SLC6A17: variants seen among roughly 807,000 people sequenced by gnomAD.
SLC6A17 encodes the protein solute carrier family 6 member 17.
A neutral mutation model predicts 64.5 loss-of-function variants in SLC6A17; 21 were observed. The observed-to-expected ratio is 0.33, with a 90% confidence interval of 0.23 to 0.47. The LOEUF is 0.47. Ranked by LOEUF, SLC6A17 falls within the 20% of genes least tolerant of loss-of-function variation. The pLI, the probability that SLC6A17 is intolerant of heterozygous loss-of-function variation, is 1.00. For missense variants in SLC6A17, 682 were observed against 963.2 expected, an observed-to-expected ratio of 0.71 and a Z score of 3.86; for synonymous variants, 372 against 399.5, an observed-to-expected ratio of 0.93 and a Z score of 0.82.
At chr1:110,180,204 A>G (rs1656485429) in intron 6 of SLC6A17, among the ~76,000 whole-genome samples, 3 of 152,244 alleles carry the variant, frequency 2.0e-5, no homozygotes, top group African/African-American at 7.2e-5. Context: ...CATGCTCTCC[A>G]GCTGATAAAC....
intron 1 of SLC6A17, chr1:110,166,159 G>A (rs1473276035): frequency 2.0e-5 from 3 of 152,248 alleles, no homozygotes; most frequent in Non-Finnish European, 4.4e-5. Flanking sequence ...CATTGGCACT[G>A]AGCAAACAGC....
rs1657072705 is a variant in SLC6A17, at chr1:110,199,838, G to GTT, written c.*1394_*1395insTT. ...TGACCCAAGAGTAAATGTCTGCAGA[G>GTT]AGATGGATGGATGGATGGATAGATG... On this transcript the variant is annotated 3_prime_UTR_variant, in exon 12 of 12. Coordinates refer to ENST00000331565, the MANE Select transcript of SLC6A17 (RefSeq NM_001010898.4). 1 of 395,382 alleles carries GTT rather than the reference G, an allele frequency of 2.5e-6. No individual in the cohort carries two copies. Among genetic ancestry groups the GTT allele is most frequent in the Non-Finnish European group, 4.4e-6 (1 of 225,158 alleles). The allele number at this position is 395,382 out of a possible 1,614,324, so 24.5% of individuals were successfully genotyped here.
At chr1:110,165,254 G>A (rs762649493) in intron 1 of SLC6A17, among the ~76,000 whole-genome samples, 8 of 152,180 alleles carry the variant, frequency 5.3e-5, no homozygotes, top group Non-Finnish European at 8.8e-5. Flanking sequence ...CAGGCAACAC[G>A]GCAGCCCTGG....
intron 1 of SLC6A17, among the ~76,000 whole-genome samples, chr1:110,154,999 G>C (rs999330832): frequency 6.6e-6 from 1 of 151,996 alleles, no homozygotes; most frequent in Non-Finnish European, 1.5e-5. Flanking sequence ...GGCCGTTCTG[G>C]GAAACATGGC....
At chr1:110,180,408 A>G (rs942310248) in intron 6 of SLC6A17, among the ~76,000 whole-genome samples, 5 of 152,226 alleles carry the variant, frequency 3.3e-5, no homozygotes, top group Non-Finnish European at 5.9e-5. Context: ...ACTACTGCTA[A>G]TCTGCCTTTC....
rs115040924 is a variant in SLC6A17, at chr1:110,179,944, A to T, written c.864+3205A>T. On this transcript the variant is annotated intron_variant, in intron 6 of 11. Transcript: ENST00000331565. ...TTGCAGAGGCCAGGGTCTTCATGAGACTTTAAAAAATCAAATCCAGGAGCC... is the reference window on the plus strand; with the variant it reads ...TTGCAGAGGCCAGGGTCTTCATGAGTCTTTAAAAAATCAAATCCAGGAGCC... Among the ~76,000 whole-genome samples the T allele has an allele frequency of 5.8e-3, 889 of 152,206 alleles. 4 individuals are homozygous for T. Among genetic ancestry groups the T allele is most frequent in the Non-Finnish European group, 8.3e-3 (565 of 68,014 alleles).
At chr1:110,188,784 T>C (rs898597939) in intron 6 of SLC6A17, among the ~76,000 whole-genome samples, 1 of 152,244 alleles carries the variant, frequency 6.6e-6, no homozygotes, top group African/African-American at 2.4e-5. Flanking sequence ...GCCCTTCTCC[T>C]GATCCGAGGC....
intron 1 of SLC6A17, among the ~76,000 whole-genome samples, chr1:110,158,711 C>T (rs1655823493): frequency 6.6e-6 from 1 of 152,220 alleles, no homozygotes; most frequent in South Asian, 2.1e-4. Context: ...TTTAGGTTTT[C>T]CTGGCTCTAA....
intron 1 of SLC6A17, among the ~76,000 whole-genome samples, chr1:110,156,981 TG>T (rs551086168): frequency 2.1e-3 from 315 of 152,366 alleles, no homozygotes; most frequent in African/African-American, 7.5e-3. Flanking sequence ...AGGACTCATC[TG>T]TCCCCATGGT....
chr1:110,176,788 G>A, intron 6 of SLC6A17, 49 bp downstream of exon 6: 1 of 1,518,404 alleles, frequency 6.6e-7, no homozygotes, highest in Non-Finnish European at 9.1e-7. Flanking sequence ...CAGGTCTACT[G>A]GGCCTGGTCA....
chr1:110,160,345 A>T (rs148616605), intron 1 of SLC6A17, among the ~76,000 whole-genome samples: 2 of 152,362 alleles, frequency 1.3e-5, no homozygotes, highest in Non-Finnish European at 2.9e-5. Context: ...CAGTAGTAAG[A>T]TTTCAACATG....
chr1:110,189,551 C>T, intron 6 of SLC6A17, among the ~76,000 whole-genome samples: 1 of 152,230 alleles, frequency 6.6e-6, no homozygotes, highest in East Asian at 1.9e-4. Flanking sequence ...TGGAAATGCA[C>T]ATGATTGTGT....
chr1:110,198,809 G>A lies in SLC6A17; in HGVS notation c.*365G>A, dbSNP rs1215347254. On this transcript the variant is annotated 3_prime_UTR_variant, in exon 12 of 12. Transcript: ENST00000331565. ...CCTCTCTCCCTGTAACTTGCCACCT[G>A]CAGTTCTTAGGGCTGTGGGGTCAGA... 1 of 211,892 alleles carries A rather than the reference G, an allele frequency of 4.7e-6. No homozygotes were observed. The highest frequency in any genetic ancestry group is 9.4e-6 in the Non-Finnish European group (1 of 105,926). 13.1% of individuals were successfully genotyped at this position (211,892 alleles called of 1,614,324 possible). A position where few individuals can be genotyped will look rare whatever the true frequency, so the allele number is the denominator to read the frequency against.
At chr1:110,179,879 T>G (rs750666771) in intron 6 of SLC6A17, among the ~76,000 whole-genome samples, 70 of 152,092 alleles carry the variant, frequency 4.6e-4, no homozygotes, top group Non-Finnish European at 9.0e-4. Flanking sequence ...TAAAACAGTT[T>G]CCTGGATGTT....
In SLC6A17 at chr1:110,167,002, C is replaced by A. The variant is rs1435382997; in HGVS notation, c.73C>A (p.Leu25Met). 1 of 1,613,594 alleles carries A rather than the reference C, an allele frequency of 6.2e-7. No individual in the cohort carries two copies. Among genetic ancestry groups the A allele is most frequent in the African/African-American group, 1.3e-5 (1 of 74,912 alleles). ...EHVTESVADL[L>M]ALEEPVDYKQ... Reference sequence around the variant, plus strand: ...TGTCACTGAGTCCGTGGCCGACCTGCTGGCCCTCGAGGAGCCTGTGGACTA... The same window carrying A: ...TGTCACTGAGTCCGTGGCCGACCTGATGGCCCTCGAGGAGCCTGTGGACTA... The change falls in exon 2 of 12, where the codon CTG (leucine) becomes ATG (methionine). Residue 25 changes from leucine (L) to methionine (M), a missense_variant. By Grantham distance (15) the Leu-to-Met change is conservative (BLOSUM62 2). Around this residue, in one of 3 missense-constraint regions of SLC6A17, gnomAD observed 415 missense variants for 603.8 expected, o/e 0.69. Coordinates refer to ENST00000331565, the MANE Select transcript of SLC6A17 (RefSeq NM_001010898.4).
chr1:110,174,133 G>T, intron 4 of SLC6A17, 34 bp downstream of exon 4: 2 of 1,610,366 alleles, frequency 1.2e-6, no homozygotes, highest in Non-Finnish European at 1.7e-6. Flanking sequence ...ATGCCAGCCA[G>T]CCCTGTCCCA....
At chr1:110,175,749 A>G (rs558566699) in intron 5 of SLC6A17, among the ~76,000 whole-genome samples, 1 of 152,322 alleles carries the variant, frequency 6.6e-6, no homozygotes, top group South Asian at 2.1e-4. Flanking sequence ...AGCTCTAGAA[A>G]GGTAGAGTGA....
intron 6 of SLC6A17, among the ~76,000 whole-genome samples, chr1:110,187,733 A>G (rs1423975686): frequency 1.3e-5 from 2 of 152,232 alleles, no homozygotes; most frequent in Non-Finnish European, 2.9e-5. Flanking sequence ...ACATTTGCGA[A>G]TACCAGAGGA....
At chr1:110,155,581 G>C (rs1655733790) in intron 1 of SLC6A17, among the ~76,000 whole-genome samples, 1 of 152,184 alleles carries the variant, frequency 6.6e-6, no homozygotes, top group African/African-American at 2.4e-5. Flanking sequence ...GAGCAGAGGA[G>C]TGAGTACCCC....
Sources: allele counts gnomAD v4.1 joint callset (sites outside exome capture counted in the v4.1 genomes callset), GRCh38; gene constraint gnomAD v4.1.1; regional missense constraint gnomAD v4.1.1; transcripts MANE v1.5; gene names NCBI Gene and HGNC (gene_info 2026-07-23, HGNC 2026-07-21).